Variants in MKS1 observed in about 807,000 individuals in gnomAD.
MKS1 encodes the protein tectonic-like complex member MKS1.
MKS1 carries 70 observed loss-of-function variants against 83.7 expected under a neutral mutation model. That is an observed-to-expected ratio of 0.84 (90% confidence interval 0.69 to 1.02). The LOEUF (loss-of-function observed/expected upper bound fraction) is 1.02, where lower values mean the gene tolerates loss of function less well. Ranked by LOEUF, MKS1 falls within the 50% of genes least tolerant of loss-of-function variation. The pLI, the probability that MKS1 is intolerant of heterozygous loss-of-function variation, is 0.00. For synonymous variants in MKS1, 251 were observed against 273.4 expected (o/e 0.92, Z 0.81); for missense variants, 681 against 726.9 (o/e 0.94, Z 0.73).
rs1375282280 is a variant in MKS1 at position 58,209,896 on chromosome 17, C to A, written c.1024+763G>T. Among the ~76,000 whole-genome samples, 8 of 152,272 alleles carry A rather than the reference C, an allele frequency of 5.3e-5. No individual in the cohort carries two copies. In the East Asian group the frequency reaches 1.5e-3, roughly 29 times the overall value. ...CAGAAGTTGAATGCACTGGCCTAGACAAGAGATGGTGGTGGCTTGGTGTAG... is the reference window on the plus strand; with the variant it reads ...CAGAAGTTGAATGCACTGGCCTAGAAAAGAGATGGTGGTGGCTTGGTGTAG... On this transcript the variant is annotated intron_variant, in intron 11 of 17. Coordinates refer to ENST00000393119, the MANE Select transcript of MKS1 (RefSeq NM_017777.4). This position sits in a 1 kb window ranked among gnomAD's most constrained non-coding sequence, Gnocchi z 4.1.
At position 58,214,450 on chromosome 17, in the gene MKS1, G is replaced by A. The variant is rs1969073610; in HGVS notation, c.516-63C>T. The A allele has an allele frequency of 1.9e-6, 3 of 1,610,682 alleles. No homozygotes were observed. The Admixed American group carries it at 5.0e-5, about 27-fold the overall frequency. ...CCCCAATGGAGCACCCCAGTGGAGA[G>A]CCACTTCAGAATGGGAAGTTTGAGC... On this transcript the variant is annotated intron_variant, in intron 5 of 17. Transcript: ENST00000393119.
rs1567795267 is a variant in MKS1 at position 58,207,126 on chromosome 17, GT to G, written c.1365del (p.Glu455AspfsTer19). 5 of 1,614,200 alleles carry G rather than the reference GT, an allele frequency of 3.1e-6. No individual in the cohort carries two copies. Among genetic ancestry groups the G allele is most frequent in the Non-Finnish European group, 4.2e-6 (5 of 1,180,032 alleles). On this transcript the variant is annotated frameshift_variant, in exon 15 of 18. Transcript: ENST00000393119. LOFTEE classifies it high-confidence loss of function. The part of the protein sequence containing the change: ...LRRFFIGGSL[E>X]LEDLSYVRIP... ...ATCCGTACATAGGAGAGGTCCTCCAGTTCCAGAGAACCGCCAATGAAAAACC... is the reference window on the plus strand; with the variant it reads ...ATCCGTACATAGGAGAGGTCCTCCAGTCCAGAGAACCGCCAATGAAAAACC...
rs1969242335 is a variant in MKS1 at position 58,216,720 on chromosome 17, C to T, written c.207G>A (p.Glu69=). The change falls in exon 3 of 18, where the codon GAG becomes GAA. Residue 69 remains glutamate, a synonymous_variant. Coordinates refer to ENST00000393119, the MANE Select transcript of MKS1 (RefSeq NM_017777.4). The part of the protein sequence containing the change: ...PQPTASGHRP[E]EDEEEEIVIG... ...TCACAATCTCCTCCTCTTCGTCTTC[C>T]TCTGGGCGGTGTCCACCTCCAAAGA... The T allele has an allele frequency of 6.2e-7, 1 of 1,614,196 alleles. No homozygotes were observed. Among genetic ancestry groups the T allele is most frequent in the African/African-American group, 1.3e-5 (1 of 75,056 alleles).
chr17:58,207,614 C>A (rs1388679477), intron 14 of MKS1: 3 of 563,210 alleles, frequency 5.3e-6, no homozygotes, highest in African/African-American at 1.9e-5. Flanking sequence ...TCATTCAATA[C>A]ACATATGCTA....
chr17:58,214,630 T>C, intron 5 of MKS1, 111 bp downstream of exon 5: 3 of 1,126,454 alleles, frequency 2.7e-6, no homozygotes. Context: ...TTTAAATTAA[T>C]TACAAAGTAA....
chr17:58,216,798 G>T, intron 2 of MKS1, 62 bp from the exon 3 acceptor site: 1 of 1,546,516 alleles, frequency 6.5e-7, no homozygotes, highest in Non-Finnish European at 8.9e-7. Flanking sequence ...CTTGTTCTGT[G>T]GTTTATTATA....
At chr17:58,217,944 T>C (rs776398158) in intron 2 of MKS1, among the ~76,000 whole-genome samples, 2 of 152,102 alleles carry the variant, frequency 1.3e-5, no homozygotes, top group African/African-American at 2.4e-5. Context: ...AGAGAAACAA[T>C]AAAAGCAAAC....
In MKS1 at chr17:58,210,705, C is replaced by T. The variant is rs1246215697; in HGVS notation, c.978G>A (p.Glu326=). ...AGAAGTGGACGTAGAGATTGTCATA[C>T]TCATAGCCTTGGGCTGAAACTACGA... is the stretch of plus-strand genomic sequence containing the variant. ...NGEVVSAQGY[E]YDNLYVHFFV... Residue 326 remains glutamate, a synonymous_variant, in exon 11 of 18, where the codon GAG becomes GAA. Transcript: ENST00000393119. The T allele has an allele frequency of 1.9e-6, 3 of 1,614,044 alleles. No homozygotes were observed. The highest frequency in any genetic ancestry group is 1.1e-5 in the South Asian group (1 of 91,086).
chr17:58,213,399 C>G (rs1204572651), intron 7 of MKS1, among the ~76,000 whole-genome samples: 3 of 152,158 alleles, frequency 2.0e-5, no homozygotes, highest in Middle Eastern at 3.2e-3. Context: ...CAGATAATTT[C>G]TAATTTACAT....
intron 2 of MKS1, 137 bp downstream of exon 2, chr17:58,218,479 AAGCC>A: frequency 8.2e-5 from 31 of 376,564 alleles, no homozygotes; most frequent in East Asian, 3.5e-4. Context: ...AAAAAAAAAA[AAGCC>A]ACAAATAGAA....
intron 2 of MKS1, among the ~76,000 whole-genome samples, chr17:58,217,829 A>C (rs1279158354): frequency 2.6e-5 from 4 of 152,100 alleles, no homozygotes; most frequent in Non-Finnish European, 4.4e-5. Context: ...AACAAAAACA[A>C]AGAAAACAAA....
intron 11 of MKS1, among the ~76,000 whole-genome samples, chr17:58,210,400 C>T (rs940001740): frequency 1.8e-4 from 28 of 151,986 alleles, no homozygotes; most frequent in Admixed American, 1.8e-3. Context: ...GGGCCACCAG[C>T]GAGATAGGAG....
intron 4 of MKS1, chr17:58,215,465 A>G (rs1255788076): frequency 6.1e-6 from 1 of 163,544 alleles, no homozygotes; most frequent in South Asian, 1.6e-4. Context: ...AAGCACGTCA[A>G]TCTTTCAAAA....
intron 2 of MKS1, 126 bp from the exon 3 acceptor site, chr17:58,216,862 T>G (rs1179588672): frequency 1.1e-6 from 1 of 922,370 alleles, no homozygotes; most frequent in Non-Finnish European, 1.7e-6. Context: ...ATTCAGCAAT[T>G]TAGTAAGCAC....
intron 11 of MKS1, among the ~76,000 whole-genome samples, chr17:58,210,282 T>C (rs1285347414): frequency 6.6e-6 from 1 of 152,120 alleles, no homozygotes; most frequent in Non-Finnish European, 1.5e-5. Flanking sequence ...TGGATGACGT[T>C]GCCCAGGAAG....
intron 6 of MKS1, 23 bp from the exon 7 acceptor site, chr17:58,213,892 G>T: frequency 6.3e-7 from 1 of 1,581,716 alleles, no homozygotes; most frequent in Non-Finnish European, 8.7e-7. Context: ...AAAACACCAA[G>T]GTTGAGGTCA....
At chr17:58,217,760 C>T (rs187922388) in intron 2 of MKS1, among the ~76,000 whole-genome samples, 1 of 152,280 alleles carries the variant, frequency 6.6e-6, no homozygotes, top group Non-Finnish European at 1.5e-5. Flanking sequence ...GAGCTATGAT[C>T]ATACCACTGC....
At position 58,209,133 on chromosome 17, in the gene MKS1, C is replaced by T. The variant is rs1224372350; in HGVS notation, c.1025-550G>A. 6.6e-6 allele frequency among the ~76,000 whole-genome samples: 1 copy of T among 152,070 alleles called. No individual in the cohort carries two copies. Among genetic ancestry groups the T allele is most frequent in the African/African-American group, 2.4e-5 (1 of 41,386 alleles). ...CCACATTTCCCCCTTTTCTTTTTGA[C>T]AAAACCGCCATCGTCATCATGGCCC... On this transcript the variant is annotated intron_variant, in intron 11 of 17. Transcript: ENST00000393119. The surrounding 1 kb of genome is among the most constrained non-coding windows in gnomAD (Gnocchi z 4.1).
Position 58,208,578 on chromosome 17 carries a change from AC to A in MKS1, c.1029del (p.Trp343CysfsTer12). On this transcript the variant is annotated frameshift_variant, in exon 12 of 18. Coordinates refer to ENST00000393119, the MANE Select transcript of MKS1 (RefSeq NM_017777.4). LOFTEE classifies it high-confidence loss of function. Reference protein sequence around the residue: ...HFFVELPTAHWSSPAFQQLSG... With the variant: ...HFFVELPTAHXSSPAFQQLSG... The stretch of plus-strand genomic sequence containing the variant: ...GAGAGCTGCTGGAATGCTGGGCTTG[AC>A]CAGTCTGAAAGCCAAAGACCAAATA... The A allele has an allele frequency of 6.2e-7, 1 of 1,614,066 alleles. No homozygotes were observed. Among genetic ancestry groups the A allele is most frequent in the Non-Finnish European group, 8.5e-7 (1 of 1,180,010 alleles).
Sources: allele counts gnomAD v4.1 joint callset (sites outside exome capture counted in the v4.1 genomes callset), GRCh38; gene constraint gnomAD v4.1.1; non-coding constraint Gnocchi (gnomAD v3.1); transcripts MANE v1.5; gene names NCBI Gene and HGNC (gene_info 2026-07-23, HGNC 2026-07-21).